Variants in NPEPL1 observed in about 807,000 individuals in gnomAD.
The protein encoded by NPEPL1 is aminopeptidase like 1, also known as probable aminopeptidase NPEPL1.
A neutral mutation model predicts 52.4 loss-of-function variants in NPEPL1; 45 were observed. The observed-to-expected ratio is 0.86, with a 90% CI of 0.68 to 1.10. The LOEUF is 1.10. Among genes scored for constraint, NPEPL1 ranks in the 50% least tolerant of loss-of-function variants. The pLI, the probability that NPEPL1 is intolerant of heterozygous loss-of-function variation, is 0.00. For missense variants in NPEPL1, 696 were observed against 710.9 expected (o/e 0.98, Z 0.24); for synonymous variants, 360 against 314.7 (o/e 1.14, Z -1.52).
At position 58,715,290 on chromosome 20, in the gene NPEPL1, C is replaced by T. The variant is rs553102494; in HGVS notation, c.1536C>T (p.Asp512=). Reference sequence around the variant, plus strand: ...GTGAGGTGGATGTCGAGGAGGGGGACCTGGGGAGGGACTCCAAGAGACGCA... The same window carrying T: ...GTGAGGTGGATGTCGAGGAGGGGGATCTGGGGAGGGACTCCAAGAGACGCA... ...LGCEVDVEEG[D]LGRDSKRRRL... Residue 512 remains aspartate, a synonymous_variant, in exon 12 of 12, where the codon GAC becomes GAT. Coordinates refer to ENST00000356091, the MANE Select transcript of NPEPL1 (RefSeq NM_024663.4). 399 of 1,611,284 alleles carry T rather than the reference C, an allele frequency of 2.5e-4. No individual in the cohort carries two copies. Among genetic ancestry groups the T allele is most frequent in the Admixed American group, 6.7e-4 (40 of 59,766 alleles).
intron 4 of NPEPL1, 82 bp downstream of exon 4, chr20:58,698,855 G>C (rs1380082951): frequency 1.7e-6 from 2 of 1,210,228 alleles, no homozygotes; most frequent in Non-Finnish European, 2.4e-6. Flanking sequence ...GGAAACCTGG[G>C]GCTGTCCACA....
rs1450533044 is a variant in NPEPL1 at position 58,713,299 on chromosome 20, T to C, written c.1002-121T>C. The C allele has an allele frequency of 7.6e-7, 1 of 1,315,798 alleles. No individual in the cohort carries two copies. Among genetic ancestry groups the C allele is most frequent in the East Asian group, 2.6e-5 (1 of 39,076 alleles). 81.5% of individuals were successfully genotyped at this position (1,315,798 alleles called of 1,614,324 possible). A position where few individuals can be genotyped will look rare whatever the true frequency, so the allele number is the denominator to read the frequency against. ...CCGGCCTTCCCATTCAGGGAACGTG[T>C]TGGGGTTCGGGGAGCCACAGGGATG... On this transcript the variant is annotated intron_variant, in intron 8 of 11. Transcript: ENST00000356091. This position sits in a 1 kb window ranked among gnomAD's most constrained non-coding sequence, Gnocchi z 4.6.
chr20:58,694,711 A>T (rs964266981), intron 3 of NPEPL1, 119 bp downstream of exon 3: 14 of 1,108,266 alleles, frequency 1.3e-5, no homozygotes, highest in Non-Finnish European at 1.1e-5. Flanking sequence ...TGCCCTTCCC[A>T]GGAGCTTTGG....
intron 6 of NPEPL1, among the ~76,000 whole-genome samples, chr20:58,703,067 G>A (rs937838677): frequency 3.9e-5 from 6 of 152,182 alleles, no homozygotes; most frequent in African/African-American, 1.4e-4. Flanking sequence ...TTTCGACACC[G>A]GGAGGTAGGA....
intron 7 of NPEPL1, 103 bp from the exon 8 acceptor site, chr20:58,712,372 ATCTC>A (rs368064359): frequency 2.8e-6 from 2 of 716,660 alleles, no homozygotes; most frequent in African/African-American, 1.7e-5. Flanking sequence ...ACTTGGAGCC[ATCTC>A]TCTCTCTCCT....
At chr20:58,699,570 C>G (rs2084569333) in intron 5 of NPEPL1, among the ~76,000 whole-genome samples, 1 of 152,252 alleles carries the variant, frequency 6.6e-6, no homozygotes, top group Non-Finnish European at 1.5e-5. Flanking sequence ...ACCCTTACTC[C>G]TGGGACTGGC....
intron 3 of NPEPL1, 118 bp downstream of exon 3, chr20:58,694,710 C>A: frequency 8.9e-7 from 1 of 1,120,746 alleles, no homozygotes; most frequent in Non-Finnish European, 1.2e-6. Context: ...CTGCCCTTCC[C>A]AGGAGCTTTG....
intron 7 of NPEPL1, among the ~76,000 whole-genome samples, chr20:58,708,378 C>T (rs1033531246): frequency 3.9e-5 from 6 of 152,176 alleles, no homozygotes; most frequent in East Asian, 3.9e-4. Context: ...CACGGAGGTG[C>T]GGGGCTGAGG....
chr20:58,698,840 C>A, intron 4 of NPEPL1, 67 bp downstream of exon 4: 1 of 1,355,524 alleles, frequency 7.4e-7, no homozygotes. Context: ...CCCAGGAGAG[C>A]CAGAGGAAAC....
At position 58,698,791 on chromosome 20, in the gene NPEPL1, G is replaced by A. The variant is rs1278730764; in HGVS notation, c.597+18G>A. The A allele has an allele frequency of 6.2e-7, 1 of 1,608,194 alleles. No individual in the cohort carries two copies. Among genetic ancestry groups the A allele is most frequent in the Admixed American group, 1.7e-5 (1 of 59,954 alleles). On this transcript the variant is annotated intron_variant, in intron 4 of 11. Coordinates refer to ENST00000356091, the MANE Select transcript of NPEPL1 (RefSeq NM_024663.4). ...TCCTCGAGGTTTGTGGCGTCATCAG[G>A]CCGGGGGTGGGACCAGGCTGGGGTG...
Position 58,705,751 on chromosome 20 carries a change from A to T in NPEPL1, c.823-1372A>T, listed in dbSNP as rs1259772021. 2.0e-5 allele frequency among the ~76,000 whole-genome samples: 3 copies of T among 152,214 alleles called. No individual in the cohort carries two copies. The East Asian group carries it at 5.8e-4, about 29-fold the overall frequency. On this transcript the variant is annotated intron_variant, in intron 6 of 11. Transcript: ENST00000356091. Reference sequence around the variant, plus strand: ...AATTGGGAAGGAGCTGGCAGCTGTGACGGGGGAGACATGGTGTACAGTGAG... The same window carrying T: ...AATTGGGAAGGAGCTGGCAGCTGTGTCGGGGGAGACATGGTGTACAGTGAG...
rs766604664 is a variant in NPEPL1, at chr20:58,715,190, G to T, written c.1436G>T (p.Gly479Val). The T allele has an allele frequency of 6.2e-7, 1 of 1,606,990 alleles. No homozygotes were observed. The highest frequency in any genetic ancestry group is 1.3e-5 in the African/African-American group (1 of 74,766). ...VHAGERATGF[G>V]VALLLALFGR... ...CAGGGTGAGCGAGCCACAGGCTTCG[G>T]TGTGGCCCTCCTGCTGGCGCTCTTC... Residue 479 changes from glycine (G) to valine (V), a missense_variant, in exon 12 of 12, where the codon GGT becomes GTT. Physicochemically the swap from Gly to Val is moderately radical, Grantham distance 109. Coordinates refer to ENST00000356091, the MANE Select transcript of NPEPL1 (RefSeq NM_024663.4).
chr20:58,693,150 C>T (rs2084389872), intron 1 of NPEPL1, 100 bp downstream of exon 1: 6 of 848,168 alleles, frequency 7.1e-6, no homozygotes, highest in Non-Finnish European at 8.5e-6. Context: ...CCGCCGCCGC[C>T]GGGCCGGGCC....
Position 58,701,069 on chromosome 20 carries a change from A to T in NPEPL1, c.733A>T (p.Ser245Cys). ...ALHPPALAVLSHTPDGATQTI... is the reference protein window; with the variant it reads ...ALHPPALAVLCHTPDGATQTI... ...GCATCCCCCAGCCCTGGCCGTCCTC[A>T]GCCACACCCCAGATGGAGCCACGCA... is the stretch of plus-strand genomic sequence containing the variant. Residue 245 changes from serine (S) to cysteine (C), a missense_variant, in exon 6 of 12, where the codon AGC (serine) becomes TGC (cysteine). Transcript: ENST00000356091. The T allele has an allele frequency of 6.3e-7, 1 of 1,596,086 alleles. No individual in the cohort carries two copies. Among genetic ancestry groups the T allele is most frequent in the Non-Finnish European group, 8.5e-7 (1 of 1,172,274 alleles).
chr20:58,700,872 G>A (rs1303362868), intron 5 of NPEPL1, 144 bp from the exon 6 acceptor site: 4 of 723,940 alleles, frequency 5.5e-6, no homozygotes, highest in South Asian at 6.1e-5. Flanking sequence ...CTGGCCAGGG[G>A]CAGGAGAAGG....
chr20:58,703,429 C>T, intron 6 of NPEPL1: 5 of 976,316 alleles, frequency 5.1e-6, no homozygotes, highest in Non-Finnish European at 6.1e-6. Flanking sequence ...GATAGTGCAC[C>T]CCCTACTGCC....
upstream of NPEPL1, chr20:58,692,762 G>A (rs2084378382): frequency 6.3e-6 from 6 of 956,514 alleles, no homozygotes; most frequent in South Asian, 2.8e-4. The surrounding 1 kb of genome is among the most constrained non-coding windows in gnomAD (Gnocchi z 5.7). Context: ...CGAGCAGCCC[G>A]GAGCGGCGGG....
At chr20:58,691,714 T>TTTTTTTTTTTTTTG, upstream of NPEPL1, 1 of 722,240 alleles carries the variant, frequency 1.4e-6, no homozygotes, top group South Asian at 1.9e-5. Context: ...TTTTTTTTTT[T>TTTTTTTTTTTTTTG]CATTTTTAGG....
chr20:58,707,086 G>A (rs1425464413), intron 6 of NPEPL1, 37 bp from the exon 7 acceptor site: 1 of 1,545,944 alleles, frequency 6.5e-7, no homozygotes, highest in Non-Finnish European at 8.8e-7. Context: ...GGACCTCACA[G>A]CTCACCTTTG....
Sources: gnomAD v4.1 joint callset for allele counts (sites outside exome capture counted in the v4.1 genomes callset) on GRCh38, gnomAD v4.1.1 for gene constraint, Gnocchi (gnomAD v3.1) non-coding constraint, MANE v1.5 for transcripts, NCBI Gene and HGNC (gene_info 2026-07-23, HGNC 2026-07-21) for gene names.